The following UPF3A variants were observed in gnomAD, a reference collection of about 807,000 sequenced individuals.
UPF3A encodes the protein regulator of nonsense transcripts 3A.
In UPF3A, 42 loss-of-function variants were observed where a neutral mutation model predicts 53.5. The observed-to-expected ratio is 0.78, with a 90% CI of 0.61 to 1.01. The LOEUF (loss-of-function observed/expected upper bound fraction) is 1.01, where lower values mean the gene tolerates loss of function less well. Among genes scored for constraint, UPF3A ranks in the 50% least tolerant of loss-of-function variants. The pLI, the probability that UPF3A is intolerant of heterozygous loss-of-function variation, is 0.00. For missense variants in UPF3A, 575 were observed against 598.0 expected (o/e 0.96, Z 0.40); for synonymous variants, 237 against 225.3 (o/e 1.05, Z -0.47).
At chr13:114,304,472 C>T (rs531942051) in intron 9 of UPF3A, among the ~76,000 whole-genome samples, 1 of 152,284 alleles carries the variant, frequency 6.6e-6, no homozygotes, top group South Asian at 2.1e-4. Context: ...GATCTGAAAC[C>T]ATCTGTGAGG....
intron 5 of UPF3A, among the ~76,000 whole-genome samples, chr13:114,289,369 C>G (rs2139207888): frequency 1.3e-5 from 2 of 151,948 alleles, no homozygotes; most frequent in South Asian, 4.2e-4. Flanking sequence ...ACTAAAAATA[C>G]AAAAATTAGC....
chr13:114,289,643 A>G (rs1037890862), intron 5 of UPF3A, among the ~76,000 whole-genome samples: 2 of 152,072 alleles, frequency 1.3e-5, no homozygotes, highest in Non-Finnish European at 2.9e-5. Flanking sequence ...AAATGGAAAT[A>G]CTAATAAGCT....
At chr13:114,300,282 G>A (rs1341208866) in intron 8 of UPF3A, among the ~76,000 whole-genome samples, 2 of 152,126 alleles carry the variant, frequency 1.3e-5, no homozygotes, top group African/African-American at 4.8e-5. Context: ...GTGCACCTGG[G>A]CTCCCAGGAC....
intron 8 of UPF3A, among the ~76,000 whole-genome samples, chr13:114,299,954 T>G (rs2086442198): frequency 1.3e-5 from 2 of 152,258 alleles, no homozygotes; most frequent in African/African-American, 4.8e-5. Context: ...TGAAGTATTT[T>G]TTCTACTTCT....
At position 114,281,834 on chromosome 13, in the gene UPF3A, G is replaced by T; in HGVS notation, c.195G>T (p.Thr65=). ...GAGKPREEKR[T]ALSKVVIRRL... The stretch of plus-strand genomic sequence containing the variant: ...GCAAACCTCGCGAGGAGAAGAGGAC[G>T]GCCCTGAGCAAGGTGGGGACGGGGG... The change falls in exon 1 of 10, where the codon ACG becomes ACT. Residue 65 remains threonine, a synonymous_variant. Coordinates refer to ENST00000375299, the MANE Select transcript of UPF3A (RefSeq NM_023011.4). 1 of 1,539,484 alleles carries T rather than the reference G, an allele frequency of 6.5e-7. No homozygotes were observed. Among genetic ancestry groups the T allele is most frequent in the South Asian group, 1.2e-5 (1 of 83,598 alleles).
chr13:114,302,060 G>A, intron 9 of UPF3A, 35 bp downstream of exon 9: 5 of 1,494,948 alleles, frequency 3.3e-6, no homozygotes, highest in Non-Finnish European at 4.5e-6. Flanking sequence ...AATGTGTCTG[G>A]CTGTCTTAAG....
intron 7 of UPF3A, 111 bp from the exon 8 acceptor site, chr13:114,298,729 C>T: frequency 9.2e-7 from 1 of 1,081,298 alleles, no homozygotes; most frequent in Non-Finnish European, 1.2e-6. Context: ...TAATTCTTTG[C>T]TGTGCAAACA....
At chr13:114,291,829 G>T in intron 7 of UPF3A, 37 bp downstream of exon 7, 1 of 1,558,288 alleles carries the variant, frequency 6.4e-7, no homozygotes, top group South Asian at 1.2e-5. Context: ...TCCAAAAATA[G>T]CTCTGCTATA....
At chr13:114,304,426 T>A (rs1344685982) in intron 9 of UPF3A, among the ~76,000 whole-genome samples, 4 of 152,198 alleles carry the variant, frequency 2.6e-5, no homozygotes, top group Non-Finnish European at 5.9e-5. Flanking sequence ...CCCATGGAAA[T>A]TGCTTACTAC....
At chr13:114,285,978 A>C (rs931230262) in intron 3 of UPF3A, 11 of 280,826 alleles carry the variant, frequency 3.9e-5, no homozygotes, top group Middle Eastern at 1.2e-3. Context: ...AAAGTGAACA[A>C]TTTGATGAAT....
At position 114,286,294 on chromosome 13, in the gene UPF3A, G is replaced by C. The variant is rs753103267; in HGVS notation, c.422-8G>C. On this transcript the variant is annotated splice_polypyrimidine_tract_variant and splice_region_variant and intron_variant, in intron 3 of 9. Coordinates refer to ENST00000375299, the MANE Select transcript of UPF3A (RefSeq NM_023011.4). ...GAATGGCTTCTGGAACATGTTTCCT[G>C]TTAAAAGGCCTAGAATATCCTGCAG... is the stretch of plus-strand genomic sequence containing the variant. The C allele has an allele frequency of 1.7e-5, 27 of 1,611,552 alleles. No homozygotes were observed. Among genetic ancestry groups the C allele is most frequent in the Non-Finnish European group, 2.3e-5 (27 of 1,179,582 alleles).
chr13:114,291,444 C>T, intron 5 of UPF3A, 45 bp from the exon 6 acceptor site: 3 of 1,481,060 alleles, frequency 2.0e-6, no homozygotes, highest in Non-Finnish European at 2.8e-6. Context: ...TAAAATACAT[C>T]TTTCTTTAGG....
chr13:114,301,708 T>C (rs780150160), intron 8 of UPF3A, 23 bp from the exon 9 acceptor site: 7 of 1,593,450 alleles, frequency 4.4e-6, no homozygotes, highest in Admixed American at 1.7e-5. Flanking sequence ...CTGCAGTTGC[T>C]GATCATTTGT....
chr13:114,282,076 T>A lies in UPF3A; in HGVS notation c.263T>A (p.Leu88Gln). The A allele has an allele frequency of 1.9e-6, 3 of 1,580,330 alleles. No homozygotes were observed. In the South Asian group the frequency reaches 3.5e-5, roughly 18 times the overall value. The part of the protein sequence containing the change: ...GLTKEQLEEQ[L>Q]RPLPAHDYFE... The stretch of plus-strand genomic sequence containing the variant: ...ACCAAGGAGCAGCTGGAGGAGCAGC[T>A]GCGCCCGCTGCCAGCACACGACTAC... The change falls in exon 2 of 10, where the codon CTG becomes CAG. Residue 88 changes from leucine (L) to glutamine (Q), a missense_variant. This residue lies in a region of UPF3A where 252 missense variants were observed against 182.7 expected (regional missense o/e 1.38). Transcript: ENST00000375299.
rs186110797 is a variant in UPF3A, at chr13:114,284,883, G to A, written c.422-1419G>A. 5.3e-5 allele frequency among the ~76,000 whole-genome samples: 8 copies of A among 152,316 alleles called. No individual in the cohort carries two copies. In the East Asian group the frequency reaches 1.5e-3, roughly 29 times the overall value. ...GCCCAGGCTGGTGTCAAACTCCTGA[G>A]CTCAAGCGATTCCCCCCACATTGGC... On this transcript the variant is annotated intron_variant, in intron 3 of 9. Coordinates refer to ENST00000375299, the MANE Select transcript of UPF3A (RefSeq NM_023011.4).
intron 8 of UPF3A, among the ~76,000 whole-genome samples, chr13:114,301,437 T>A (rs1224094714): frequency 7.4e-5 from 11 of 149,486 alleles, no homozygotes; most frequent in African/African-American, 2.7e-4. Context: ...TACTCCAGCC[T>A]GGGCAACAGA....
chr13:114,281,878 CGAGGA>C (rs2139095491), intron 1 of UPF3A, 32 bp downstream of exon 1: 1 of 1,370,806 alleles, frequency 7.3e-7, no homozygotes, highest in South Asian at 1.3e-5. Flanking sequence ...GCAAACCTCG[CGAGGA>C]GAGGACGGCC....
At chr13:114,287,658 C>T (rs764428294) in intron 5 of UPF3A, 18 of 152,166 alleles carry the variant, frequency 1.2e-4, no homozygotes, top group African/African-American at 3.9e-4. Flanking sequence ...GTCTGTCTCC[C>T]ACCACATAAA....
intron 2 of UPF3A, chr13:114,282,361 G>A: frequency 1.8e-6 from 2 of 1,086,800 alleles, no homozygotes; most frequent in Non-Finnish European, 2.4e-6. Flanking sequence ...GACGGCTAAC[G>A]CTTAGGAAAG....
Sources: allele counts gnomAD v4.1 joint callset (sites outside exome capture counted in the v4.1 genomes callset), GRCh38; gene constraint gnomAD v4.1.1; regional missense constraint gnomAD v4.1.1; transcripts MANE v1.5; gene names NCBI Gene and HGNC (gene_info 2026-07-23, HGNC 2026-07-21).